WDR70: variants seen among roughly 807,000 people sequenced by gnomAD.
The protein encoded by WDR70 is WD repeat-containing protein 70.
Under a neutral mutation model 88.6 loss-of-function variants are expected in WDR70, and 53 were observed. The observed-to-expected ratio is 0.60, with a 90% CI of 0.48 to 0.75. The LOEUF is 0.75. Among genes scored for constraint, WDR70 ranks in the 30% least tolerant of loss-of-function variants. WDR70 has a pLI of 0.00. For missense variants in WDR70, 610 were observed against 823.2 expected (o/e 0.74, Z 3.17); for synonymous variants, 280 against 270.0 (o/e 1.04, Z -0.36).
At chr5:37,613,197 T>G (rs16903690) in intron 10 of WDR70, among the ~76,000 whole-genome samples, 20,879 of 152,160 alleles carry the variant, frequency 0.14, 1,640 homozygotes, top group South Asian at 0.27. Flanking sequence ...ATTATCCTTG[T>G]TTTTTAAGAC....
At chr5:37,531,984 C>G (rs895169914) in intron 9 of WDR70, among the ~76,000 whole-genome samples, 3 of 152,076 alleles carry the variant, frequency 2.0e-5, no homozygotes, top group African/African-American at 7.2e-5. Context: ...ATTTTTTTAT[C>G]TAGAAAAGAC....
intron 9 of WDR70, among the ~76,000 whole-genome samples, chr5:37,595,930 G>T (rs990381397): frequency 1.3e-5 from 2 of 152,120 alleles, no homozygotes; most frequent in African/African-American, 4.8e-5. Flanking sequence ...ATACAGTGAG[G>T]TGCAATTGAA....
chr5:37,454,255 C>T (rs1738762973), intron 7 of WDR70, among the ~76,000 whole-genome samples: 1 of 152,120 alleles, frequency 6.6e-6, no homozygotes, highest in South Asian at 2.1e-4. Flanking sequence ...TTTTTGAAAT[C>T]ACTGGCTCTG....
intron 10 of WDR70, among the ~76,000 whole-genome samples, chr5:37,681,602 C>G (rs555655448): frequency 6.6e-5 from 10 of 152,216 alleles, no homozygotes; most frequent in African/African-American, 2.2e-4. Flanking sequence ...AGGTATGTTT[C>G]TTTAATACCT....
At chr5:37,681,854 A>G (rs1347411822) in intron 10 of WDR70, among the ~76,000 whole-genome samples, 1 of 152,080 alleles carries the variant, frequency 6.6e-6, no homozygotes, top group Non-Finnish European at 1.5e-5. Flanking sequence ...GGATTTTTGC[A>G]TTGATGTTCA....
At chr5:37,702,122 A>G (rs1394355976) in intron 12 of WDR70, among the ~76,000 whole-genome samples, 1 of 152,234 alleles carries the variant, frequency 6.6e-6, no homozygotes, top group Non-Finnish European at 1.5e-5. Flanking sequence ...TGGAAGTGTC[A>G]AGGGAAGGAA....
intron 10 of WDR70, among the ~76,000 whole-genome samples, chr5:37,661,616 G>A (rs1745701853): frequency 6.6e-6 from 1 of 152,200 alleles, no homozygotes. Flanking sequence ...ACATAAGATA[G>A]ATATAAGTGG....
intron 9 of WDR70, among the ~76,000 whole-genome samples, chr5:37,593,608 A>G (rs1441244763): frequency 6.6e-6 from 1 of 152,236 alleles, no homozygotes; most frequent in Non-Finnish European, 1.5e-5. Context: ...CACAATAAAC[A>G]TATGTGTGCA....
chr5:37,497,472 C>CGT, intron 8 of WDR70, among the ~76,000 whole-genome samples: 2 of 140,140 alleles, frequency 1.4e-5, no homozygotes, highest in Non-Finnish European at 3.1e-5. Flanking sequence ...TCTTCCCTTT[C>CGT]CTTCCCTCTT....
At chr5:37,454,040 A>G (rs1738755472) in intron 7 of WDR70, among the ~76,000 whole-genome samples, 1 of 152,206 alleles carries the variant, frequency 6.6e-6, no homozygotes, top group South Asian at 2.1e-4. Context: ...TATACTTGGA[A>G]CTTATTATTC....
intron 11 of WDR70, among the ~76,000 whole-genome samples, chr5:37,698,319 G>C (rs76726208): frequency 0.067 from 10,257 of 152,202 alleles, 377 homozygotes; most frequent in South Asian, 0.12. Context: ...ACATAGATAG[G>C]TTGTGTATTG....
At chr5:37,741,396 C>T (rs1483299665) in intron 17 of WDR70, among the ~76,000 whole-genome samples, 1 of 152,130 alleles carries the variant, frequency 6.6e-6, no homozygotes, top group Non-Finnish European at 1.5e-5. Context: ...TCTTGCCAAG[C>T]TAAAACTCTA....
chr5:37,609,136 A>G (rs1744115691), intron 10 of WDR70, among the ~76,000 whole-genome samples: 1 of 152,184 alleles, frequency 6.6e-6, no homozygotes, highest in Admixed American at 6.5e-5. Context: ...AGAGTTGGGT[A>G]TGTGTACGAG....
chr5:37,555,873 C>T (rs368549462), intron 9 of WDR70, among the ~76,000 whole-genome samples: 1 of 152,116 alleles, frequency 6.6e-6, no homozygotes, highest in Non-Finnish European at 1.5e-5. Context: ...CATATGCCAA[C>T]ACGCCTGACT....
At chr5:37,418,917 A>G (rs528417448) in intron 5 of WDR70, among the ~76,000 whole-genome samples, 5 of 149,786 alleles carry the variant, frequency 3.3e-5, no homozygotes, top group African/African-American at 1.2e-4. Flanking sequence ...GCACCTGCCA[A>G]CTCGCCTGGC....
At position 37,397,067 on chromosome 5, in the gene WDR70, A is replaced by G. The variant is rs1032742203; in HGVS notation, c.492+497A>G. 3.9e-5 allele frequency among the ~76,000 whole-genome samples: 6 copies of G among 152,002 alleles called. 1 individual carries two copies. The highest frequency in any genetic ancestry group is 1.4e-4 in the African/African-American group (6 of 41,392). On this transcript the variant is annotated intron_variant, in intron 5 of 17. Coordinates refer to ENST00000265107, the MANE Select transcript of WDR70 (RefSeq NM_018034.4). ...TGAGGTGGGAGGATAATTTGGGCCC[A>G]GGAGATAGAGGTTGCAGTGAGGTCG...
At chr5:37,476,967 T>C (rs1434428089) in intron 7 of WDR70, among the ~76,000 whole-genome samples, 3 of 152,234 alleles carry the variant, frequency 2.0e-5, no homozygotes, top group African/African-American at 7.2e-5. Context: ...TACTGTATTT[T>C]TTATCTGCAT....
intron 5 of WDR70, among the ~76,000 whole-genome samples, chr5:37,437,299 G>A (rs1173388540): frequency 1.3e-5 from 2 of 152,156 alleles, no homozygotes; most frequent in Middle Eastern, 3.4e-3. Flanking sequence ...AGGGTTAAAA[G>A]GTATATAGTT....
Position 37,483,121 on chromosome 5 carries a change from AATTG to A in WDR70, c.840+3137_840+3140del, listed in dbSNP as rs777103007. On this transcript the variant is annotated intron_variant, in intron 8 of 17. Transcript: ENST00000265107. Reference sequence around the variant, plus strand: ...TCTCAGTTTTTTTTTTTTTTTTTTTAATTGATCATTCTTGGGTGTTTCTCGCAGA... The same window carrying A: ...TCTCAGTTTTTTTTTTTTTTTTTTTAATCATTCTTGGGTGTTTCTCGCAGA... Among the ~76,000 whole-genome samples, 88 of 121,658 alleles carry A rather than the reference AATTG, an allele frequency of 7.2e-4. 1 individual carries two copies. In the East Asian group the frequency reaches 0.018, roughly 25 times the overall value. 79.8% of individuals were successfully genotyped at this position (121,658 alleles called of 152,430 possible).
Sources: allele counts gnomAD v4.1 joint callset (sites outside exome capture counted in the v4.1 genomes callset), GRCh38; gene constraint gnomAD v4.1.1; transcripts MANE v1.5; gene names NCBI Gene and HGNC (gene_info 2026-07-23, HGNC 2026-07-21).